Variants in SAMD3 observed in about 807,000 individuals in gnomAD.
The protein encoded by SAMD3 is sterile alpha motif domain-containing protein 3.
SAMD3 carries 63 observed loss-of-function variants against 58.5 expected under a neutral mutation model. The observed-to-expected ratio is 1.08, with a 90% CI of 0.88 to 1.33. The LOEUF (loss-of-function observed/expected upper bound fraction) is 1.33, where lower values mean the gene tolerates loss of function less well. SAMD3 is among the 40% of genes most tolerant of loss of function. The pLI is 0.00. For missense variants in SAMD3, 604 were observed against 608.4 expected (o/e 0.99, Z 0.08); for synonymous variants, 220 against 210.3 (o/e 1.05, Z -0.40).
chr6:130,194,298 G>A (rs973147923), intron 5 of SAMD3, among the ~76,000 whole-genome samples: 8 of 152,086 alleles, frequency 5.3e-5, no homozygotes, highest in East Asian at 1.9e-4. Context: ...TGGCTTGTTC[G>A]GTAGCAACCC....
At chr6:130,264,391 T>C (rs1774260469) in intron 2 of SAMD3, among the ~76,000 whole-genome samples, 1 of 152,220 alleles carries the variant, frequency 6.6e-6, no homozygotes, top group African/African-American at 2.4e-5. Context: ...TTTAAGAATT[T>C]TCAAGAGCTT....
intron 2 of SAMD3, among the ~76,000 whole-genome samples, chr6:130,307,797 G>A (rs1174274342): frequency 1.3e-5 from 2 of 152,182 alleles, no homozygotes; most frequent in East Asian, 1.9e-4. Flanking sequence ...CAATGTTTTT[G>A]TATAAGCAGA....
At chr6:130,169,150 A>G (rs1043749957) in intron 8 of SAMD3, among the ~76,000 whole-genome samples, 3 of 152,164 alleles carry the variant, frequency 2.0e-5, no homozygotes, top group African/African-American at 7.2e-5. Flanking sequence ...TCGACGGAAG[A>G]AGTTCAAACC....
At chr6:130,231,642 C>A (rs898722321) in intron 2 of SAMD3, among the ~76,000 whole-genome samples, 8 of 152,122 alleles carry the variant, frequency 5.3e-5, no homozygotes, top group Non-Finnish European at 7.4e-5. Context: ...ATTAGACATA[C>A]CTTTTAAATG....
chr6:130,329,519 G>T (rs1241246551), intron 1 of SAMD3, among the ~76,000 whole-genome samples: 5 of 152,110 alleles, frequency 3.3e-5, no homozygotes, highest in African/African-American at 1.2e-4. Flanking sequence ...ATTCCTCAAG[G>T]ATCTGGAACC....
At chr6:130,194,288 T>C (rs575932420) in intron 5 of SAMD3, among the ~76,000 whole-genome samples, 147 of 152,354 alleles carry the variant, frequency 9.6e-4, no homozygotes, top group Non-Finnish European at 1.7e-3. Flanking sequence ...GCCCAGTTCA[T>C]GGCTTGTTCG....
intron 5 of SAMD3, 42 bp downstream of exon 5, chr6:130,209,453 A>ATGTTATTT (rs758596788): frequency 2.0e-6 from 2 of 1,025,428 alleles, no homozygotes; most frequent in Non-Finnish European, 3.0e-6. Context: ...ATAGAGAAGA[A>ATGTTATTT]TGTTATTTGG....
intron 2 of SAMD3, among the ~76,000 whole-genome samples, chr6:130,239,117 T>C (rs1172531768): frequency 6.6e-6 from 1 of 152,084 alleles, no homozygotes; most frequent in Non-Finnish European, 1.5e-5. Context: ...AGAGATGATG[T>C]CTGAGAGAGA....
intron 1 of SAMD3, among the ~76,000 whole-genome samples, chr6:130,349,372 C>T (rs910011698): frequency 2.6e-5 from 4 of 151,980 alleles, no homozygotes; most frequent in African/African-American, 7.2e-5. Flanking sequence ...ATCAAATAGA[C>T]ACAATAAAAA....
At chr6:130,164,336 T>C (rs1285083476) in intron 8 of SAMD3, among the ~76,000 whole-genome samples, 1 of 152,190 alleles carries the variant, frequency 6.6e-6, no homozygotes, top group Non-Finnish European at 1.5e-5. Flanking sequence ...TGTTTTTACT[T>C]AAAGCAAAAT....
chr6:130,176,972 C>G (rs766509966), intron 7 of SAMD3, among the ~76,000 whole-genome samples: 1 of 152,076 alleles, frequency 6.6e-6, no homozygotes, highest in African/African-American at 2.4e-5. Flanking sequence ...ATTAAGGAAC[C>G]TCAATGTAAT....
chr6:130,351,497 C>T (rs1348775781), intron 1 of SAMD3, among the ~76,000 whole-genome samples: 1 of 152,160 alleles, frequency 6.6e-6, no homozygotes, highest in African/African-American at 2.4e-5. Context: ...CACTGGCCAT[C>T]AGAGAAATGC....
chr6:130,215,662 C>T (rs915909208), intron 2 of SAMD3: 5 of 1,403,140 alleles, frequency 3.6e-6, no homozygotes, highest in African/African-American at 2.9e-5. Flanking sequence ...GTGTGAAATT[C>T]ACCACTACCA....
intron 2 of SAMD3, chr6:130,215,757 T>A (rs1008573984): frequency 6.6e-7 from 1 of 1,509,810 alleles, no homozygotes; most frequent in South Asian, 1.2e-5. Context: ...CTGACAGAGA[T>A]ACTTAGTAAA....
chr6:130,232,124 C>T (rs763649338), intron 2 of SAMD3, among the ~76,000 whole-genome samples: 2 of 152,132 alleles, frequency 1.3e-5, no homozygotes, highest in Non-Finnish European at 2.9e-5. Flanking sequence ...AGTGTCCACC[C>T]ACAGCCTCAC....
chr6:130,337,704 G>A lies in SAMD3; in HGVS notation c.-303-24611C>T, dbSNP rs375757068. On this transcript the variant is annotated intron_variant, in intron 1 of 13. Coordinates refer to the SAMD3 transcript ENST00000368134. ...GGCTGAGCTGGTCTCAGGTAGAGAT[G>A]AGGAACTTACTGGGAACTGGAGCAA... Among the ~76,000 whole-genome samples the A allele has an allele frequency of 2.0e-5, 3 of 152,348 alleles. No homozygotes were observed. In the South Asian group the frequency reaches 6.2e-4, roughly 32 times the overall value.
In SAMD3 at chr6:130,267,792, C is replaced by A. The variant is rs563958261; in HGVS notation, c.-187-44979G>T. Among the ~76,000 whole-genome samples, 16 of 152,268 alleles carry A rather than the reference C, an allele frequency of 1.1e-4. No individual in the cohort carries two copies. The Middle Eastern group carries it at 0.01, about 97-fold the overall frequency. Reference sequence around the variant, plus strand: ...CACTCTGACCACCAGTGCATGCAGCCCCTGTCACTTATGCCCTGCTTGCTC... The same window carrying A: ...CACTCTGACCACCAGTGCATGCAGCACCTGTCACTTATGCCCTGCTTGCTC... On this transcript the variant is annotated intron_variant, in intron 2 of 13. Coordinates refer to the SAMD3 transcript ENST00000368134.
At chr6:130,208,071 T>C (rs1795232753) in intron 5 of SAMD3, among the ~76,000 whole-genome samples, 1 of 152,210 alleles carries the variant, frequency 6.6e-6, no homozygotes, top group Admixed American at 6.5e-5. Flanking sequence ...AGAAATCCTT[T>C]GACTGCTCTA....
intron 2 of SAMD3, among the ~76,000 whole-genome samples, chr6:130,262,853 A>G (rs1774192625): frequency 6.6e-6 from 1 of 152,208 alleles, no homozygotes. Flanking sequence ...CTGTGTGTAG[A>G]CATTGGCCAA....
Sources: gnomAD v4.1 joint callset for allele counts (sites outside exome capture counted in the v4.1 genomes callset) on GRCh38, gnomAD v4.1.1 for gene constraint, MANE v1.5 for transcripts, NCBI Gene and HGNC (gene_info 2026-07-23, HGNC 2026-07-21) for gene names.